The following DNAH11 variants were observed in gnomAD, a reference collection of about 807,000 sequenced individuals.
The protein encoded by DNAH11 is dynein axonemal heavy chain 11.
A neutral mutation model predicts 526.0 loss-of-function variants in DNAH11; 442 were observed. The ratio of observed to expected loss-of-function variants is 0.84; its 90% CI spans 0.78 to 0.91. DNAH11 has a LOEUF of 0.91. DNAH11 is among the 40% of genes least tolerant of loss of function. The pLI, the probability that DNAH11 is intolerant of heterozygous loss-of-function variation, is 0.00. For missense variants in DNAH11, 6,989 were observed against 5,448.7 expected (o/e 1.28, Z -8.90); for synonymous variants, 2,461 against 1,935.9 (o/e 1.27, Z -7.12).
intron 21 of DNAH11, among the ~76,000 whole-genome samples, 169 bp from the exon 22 acceptor site, chr7:21,616,040 C>T (rs1785762671): frequency 6.6e-6 from 1 of 152,074 alleles, no homozygotes. Context: ...GTTCTGACAA[C>T]TTTTTTGTTT....
At chr7:21,704,342 C>A in intron 37 of DNAH11, 92 bp from the exon 38 acceptor site, 2 of 1,273,316 alleles carry the variant, frequency 1.6e-6, no homozygotes, top group Non-Finnish European at 2.2e-6. Flanking sequence ...TCATGCTTCA[C>A]ATATGAGGAG....
chr7:21,755,548 T>C (rs1786593738), intron 54 of DNAH11, among the ~76,000 whole-genome samples: 1 of 152,124 alleles, frequency 6.6e-6, no homozygotes, highest in African/African-American at 2.4e-5. Context: ...ATTTAAAAAA[T>C]ATGTGTTCAT....
At chr7:21,860,319 C>T (rs7789190) in intron 68 of DNAH11, among the ~76,000 whole-genome samples, 14,341 of 151,434 alleles carry the variant, frequency 0.095, 1,951 homozygotes, top group African/African-American at 0.29. Flanking sequence ...TTGGTAATGA[C>T]GTGGAGAAAT....
At chr7:21,680,691 C>A (rs1783102341) in intron 30 of DNAH11, among the ~76,000 whole-genome samples, 1 of 152,140 alleles carries the variant, frequency 6.6e-6, no homozygotes, top group Non-Finnish European at 1.5e-5. Context: ...AAAAGACCAG[C>A]AGTTTGAAAA....
intron 68 of DNAH11, among the ~76,000 whole-genome samples, chr7:21,857,178 C>A (rs1782884386): frequency 1.3e-5 from 2 of 152,080 alleles, no homozygotes; most frequent in South Asian, 4.1e-4. Flanking sequence ...ACATGAGAAA[C>A]AAGTGGAAAA....
intron 42 of DNAH11, among the ~76,000 whole-genome samples, chr7:21,712,226 G>A (rs985192122): frequency 6.6e-6 from 1 of 152,030 alleles, no homozygotes; most frequent in Non-Finnish European, 1.5e-5. Context: ...CTTTTTTAAG[G>A]CTGAATAATA....
chr7:21,616,898 A>T (rs1785807515), intron 22 of DNAH11, among the ~76,000 whole-genome samples: 1 of 152,152 alleles, frequency 6.6e-6, no homozygotes, highest in Non-Finnish European at 1.5e-5. Flanking sequence ...AGGCAGTTAA[A>T]AGTGACAGGA....
intron 61 of DNAH11, among the ~76,000 whole-genome samples, chr7:21,799,164 A>G (rs1317312229): frequency 1.3e-5 from 2 of 152,270 alleles, no homozygotes; most frequent in African/African-American, 4.8e-5. Flanking sequence ...ATGAAGCTGA[A>G]GCATAGAGAA....
At chr7:21,749,140 C>T (rs6964809) in intron 52 of DNAH11, among the ~76,000 whole-genome samples, 9,894 of 152,122 alleles carry the variant, frequency 0.065, 1,056 homozygotes, top group African/African-American at 0.22. Context: ...TGGATAAGAA[C>T]AGGAGAAGAA....
chr7:21,563,588 T>A (rs1315245833), intron 5 of DNAH11, among the ~76,000 whole-genome samples: 1 of 152,212 alleles, frequency 6.6e-6, no homozygotes, highest in African/African-American at 2.4e-5. Flanking sequence ...TTTTAAAGTA[T>A]GTAATTCATT....
At chr7:21,793,097 T>C (rs1399726951) in intron 61 of DNAH11, among the ~76,000 whole-genome samples, 2 of 152,242 alleles carry the variant, frequency 1.3e-5, no homozygotes, top group African/African-American at 2.4e-5. Flanking sequence ...TGTTTCAAAA[T>C]ATTTTTAAAT....
intron 14 of DNAH11, among the ~76,000 whole-genome samples, chr7:21,594,672 C>T (rs527420207): frequency 3.9e-5 from 6 of 151,952 alleles, no homozygotes; most frequent in African/African-American, 1.5e-4. Flanking sequence ...AAGAGTGTTC[C>T]AGGCAGAGGA....
chr7:21,827,703 A>G (rs1219698136), intron 65 of DNAH11, among the ~76,000 whole-genome samples: 1 of 152,022 alleles, frequency 6.6e-6, no homozygotes, highest in African/African-American at 2.4e-5. Context: ...TATTTATTTT[A>G]TAATGACTAG....
chr7:21,835,234 AAAAAAAAC>A (rs1190669044), intron 65 of DNAH11, among the ~76,000 whole-genome samples: 1 of 146,536 alleles, frequency 6.8e-6, no homozygotes, highest in Non-Finnish European at 1.5e-5. Context: ...AAAAAAAAAA[AAAAAAAAC>A]AGAGGGAGTT....
At chr7:21,597,892 C>G (rs1039548185) in intron 14 of DNAH11, among the ~76,000 whole-genome samples, 1 of 152,196 alleles carries the variant, frequency 6.6e-6, no homozygotes, top group South Asian at 2.1e-4. Context: ...GCTGTGTATA[C>G]TTTCCTAGGG....
Position 21,816,511 on chromosome 7 carries a change from G to A in DNAH11, c.10377G>A (p.Leu3459=), listed in dbSNP as rs1789798688. Residue 3459 remains leucine (L), a synonymous_variant, in exon 64 of 82, where the codon TTG becomes TTA. Coordinates refer to ENST00000409508, the MANE Select transcript of DNAH11 (RefSeq NM_001277115.2). ...AAGGCCTGGACTTGATATCCATGTT[G>A]ACGGATGATGCTACAATTGCCGCCT... ...LTEGLDLISM[L]TDDATIAAWN... 1 of 1,611,626 alleles carries A rather than the reference G, an allele frequency of 6.2e-7. No individual in the cohort carries two copies. The highest frequency in any genetic ancestry group is 1.3e-5 in the African/African-American group (1 of 74,850).
At chr7:21,773,358 G>A (rs1334421915) in intron 55 of DNAH11, among the ~76,000 whole-genome samples, 2 of 142,938 alleles carry the variant, frequency 1.4e-5, no homozygotes, top group African/African-American at 5.3e-5. Flanking sequence ...TTTTTTTTCA[G>A]TGACTTTGCA....
At chr7:21,567,910 AC>A (rs996125493) in intron 6 of DNAH11, among the ~76,000 whole-genome samples, 1 of 151,336 alleles carries the variant, frequency 6.6e-6, no homozygotes, top group Non-Finnish European at 1.5e-5. Flanking sequence ...ACCTGACACT[AC>A]TCCATGGTCC....
intron 34 of DNAH11, among the ~76,000 whole-genome samples, chr7:21,688,053 C>T (rs1266637342): frequency 6.6e-6 from 1 of 152,164 alleles, no homozygotes; most frequent in Non-Finnish European, 1.5e-5. Flanking sequence ...CAGAGCAAGA[C>T]CCTTTCTCCA....
Sources: allele counts gnomAD v4.1 joint callset (sites outside exome capture counted in the v4.1 genomes callset), GRCh38; gene constraint gnomAD v4.1.1; transcripts MANE v1.5; gene names NCBI Gene and HGNC (gene_info 2026-07-23, HGNC 2026-07-21).